GAS7: variants seen among roughly 807,000 people sequenced by gnomAD.
GAS7 encodes the protein growth arrest specific 7, also known as growth arrest-specific protein 7.
In GAS7, 28 loss-of-function variants were observed where a neutral mutation model predicts 71.1. The ratio of observed to expected loss-of-function variants is 0.39; its 90% CI spans 0.29 to 0.54. GAS7 has a LOEUF of 0.54. GAS7 is among the 20% of genes least tolerant of loss of function. The pLI is 0.62. For missense variants in GAS7, 436 were observed against 627.8 expected (o/e 0.69, Z 3.27); for synonymous variants, 258 against 245.8 (o/e 1.05, Z -0.46).
intron 5 of GAS7, among the ~76,000 whole-genome samples, chr17:9,952,358 A>G (rs1233834697): frequency 6.6e-6 from 1 of 152,002 alleles, no homozygotes; most frequent in Non-Finnish European, 1.5e-5. Context: ...TTAAGATCCT[A>G]CATGGCAAGT....
chr17:9,969,413 A>T lies in GAS7; in HGVS notation c.471+264T>A, dbSNP rs188927784. On this transcript the variant is annotated intron_variant, in intron 4 of 13. Coordinates refer to ENST00000432992, the MANE Select transcript of GAS7 (RefSeq NM_201433.2). This position sits in a 1 kb window ranked among gnomAD's most constrained non-coding sequence, Gnocchi z 5.5. ...ATCAGGAATCCAGACCAGAGAATGG[A>T]ACTCTCTGTCCTAATGGTTTCAACC... is the stretch of plus-strand genomic sequence containing the variant. Among the ~76,000 whole-genome samples the T allele has an allele frequency of 6.6e-6, 1 of 152,186 alleles. No individual in the cohort carries two copies. Among genetic ancestry groups the T allele is most frequent in the East Asian group, 1.9e-4 (1 of 5,172 alleles).
At chr17:9,944,055 TAGC>T (rs1402913875) in intron 6 of GAS7, among the ~76,000 whole-genome samples, 1 of 152,366 alleles carries the variant, frequency 6.6e-6, no homozygotes, top group South Asian at 2.1e-4. Flanking sequence ...AATAAGTACT[TAGC>T]AGCCAATTAA....
chr17:9,976,097 G>T (rs557152716), intron 3 of GAS7, among the ~76,000 whole-genome samples: 4 of 152,352 alleles, frequency 2.6e-5, no homozygotes, highest in African/African-American at 7.2e-5. Flanking sequence ...TTCTGTTCCA[G>T]AAATTTCTCT....
chr17:10,168,765 G>A (rs900431995), intron 1 of GAS7, among the ~76,000 whole-genome samples: 1 of 152,124 alleles, frequency 6.6e-6, no homozygotes, highest in Non-Finnish European at 1.5e-5. Flanking sequence ...AAGGTCAGGA[G>A]TTTGAGACCA....
intron 1 of GAS7, among the ~76,000 whole-genome samples, chr17:10,133,122 A>ATATATATATATATATATATAT (rs1392845338): frequency 7.6e-5 from 9 of 118,884 alleles, no homozygotes; most frequent in Non-Finnish European, 9.4e-5. Context: ...ATATTTTTAT[A>ATATATATATATATATATATAT]TTTTTTTTTT....
intron 4 of GAS7, among the ~76,000 whole-genome samples, chr17:9,960,254 A>T (rs918286968): frequency 6.6e-6 from 1 of 150,684 alleles, no homozygotes; most frequent in Admixed American, 6.6e-5. Flanking sequence ...CAGTGGCGTG[A>T]TCATGGCTCA....
In GAS7 at chr17:9,914,498, T is replaced by A. The variant is rs1237428144; in HGVS notation, c.*2730A>T. ...ACCTCGGCCTCCCAAAGAGCTGGGA[T>A]TACAGGCGTGAGCCACCGTGCCCGA... On this transcript the variant is annotated 3_prime_UTR_variant, in exon 14 of 14. Transcript: ENST00000432992. The A allele has an allele frequency of 1.1e-5, 2 of 183,120 alleles. No homozygotes were observed. The highest frequency in any genetic ancestry group is 2.4e-5 in the African/African-American group (1 of 42,536). The allele number at this position is 183,120 out of a possible 1,614,324, so 11.3% of individuals were successfully genotyped here. A position where few individuals can be genotyped will look rare whatever the true frequency, so the allele number is the denominator to read the frequency against.
At chr17:9,950,871 G>A (rs112396639) in intron 5 of GAS7, among the ~76,000 whole-genome samples, 6,014 of 151,578 alleles carry the variant, frequency 0.04, 310 homozygotes, top group African/African-American at 0.1. Flanking sequence ...AAAAAAAGGT[G>A]CACAGCTTCC....
Position 10,072,751 on chromosome 17 carries a change from C to T in GAS7, c.184-52854G>A, listed in dbSNP as rs138766796. 4.2e-3 allele frequency among the ~76,000 whole-genome samples: 633 copies of T among 152,204 alleles called. 2 individuals are homozygous for T. Among genetic ancestry groups the T allele is most frequent in the African/African-American group, 0.014 (580 of 41,538 alleles). ...CCAGACGGCTTGCCAGCACCGTTTC[C>T]GAGACGTGATGGGGAGAGAGGCTCA... is the stretch of plus-strand genomic sequence containing the variant. On this transcript the variant is annotated intron_variant, in intron 1 of 13. Coordinates refer to ENST00000432992, the MANE Select transcript of GAS7 (RefSeq NM_201433.2).
At chr17:10,167,045 T>TTTTC (rs1491483188) in intron 1 of GAS7, among the ~76,000 whole-genome samples, 2 of 30,162 alleles carry the variant, frequency 6.6e-5, no homozygotes, top group African/African-American at 3.5e-4. Flanking sequence ...TCCATTTGTC[T>TTTTC]TTTTTTTTTT....
intron 9 of GAS7, among the ~76,000 whole-genome samples, chr17:9,927,290 TACACACACACACACACAC>T (rs371084335): frequency 1.1e-4 from 13 of 116,940 alleles, no homozygotes; most frequent in African/African-American, 2.3e-4. Context: ...CTCTACTACA[TACACACACACACACACAC>T]ACACACACAC....
chr17:10,087,332 G>A (rs2073530251), intron 1 of GAS7, among the ~76,000 whole-genome samples: 1 of 152,232 alleles, frequency 6.6e-6, no homozygotes, highest in South Asian at 2.1e-4. Context: ...GCACACTCAT[G>A]ATCAACACCA....
At chr17:9,953,614 T>C (rs1212810224) in intron 5 of GAS7, among the ~76,000 whole-genome samples, 1 of 152,214 alleles carries the variant, frequency 6.6e-6, no homozygotes, top group African/African-American at 2.4e-5. Context: ...ACTGCAGAGC[T>C]CCAGCCTCGA....
At chr17:10,158,320 T>C (rs2074220806) in intron 1 of GAS7, among the ~76,000 whole-genome samples, 1 of 141,888 alleles carries the variant, frequency 7.0e-6, no homozygotes, top group Non-Finnish European at 1.5e-5. Context: ...GCCAATCCTG[T>C]TTTTTCTTTT....
At chr17:10,145,772 C>T (rs1234658576) in intron 1 of GAS7, among the ~76,000 whole-genome samples, 1 of 152,154 alleles carries the variant, frequency 6.6e-6, no homozygotes, top group Non-Finnish European at 1.5e-5. Context: ...AAGGGGGAAA[C>T]AGCAATATAT....
At chr17:9,977,397 C>A (rs1226383138) in intron 3 of GAS7, among the ~76,000 whole-genome samples, 1 of 152,202 alleles carries the variant, frequency 6.6e-6, no homozygotes, top group East Asian at 1.9e-4. Context: ...AAACTCCCAG[C>A]ATCTCCCTTT....
intron 1 of GAS7, among the ~76,000 whole-genome samples, chr17:10,146,932 G>C (rs1320036357): frequency 6.7e-6 from 1 of 149,714 alleles, no homozygotes; most frequent in Non-Finnish European, 1.5e-5. Context: ...AGTGAGCTGA[G>C]ATCGCGCCAG....
At chr17:10,193,702 T>C (rs148925512) in intron 1 of GAS7, among the ~76,000 whole-genome samples, 13 of 152,220 alleles carry the variant, frequency 8.5e-5, no homozygotes, top group Admixed American at 5.9e-4. Flanking sequence ...AGGCGCCACA[T>C]GGAAGAACAT....
At chr17:10,189,841 A>T (rs1425614755) in intron 1 of GAS7, among the ~76,000 whole-genome samples, 1 of 152,022 alleles carries the variant, frequency 6.6e-6, no homozygotes, top group Non-Finnish European at 1.5e-5. Flanking sequence ...TGGGAAGCTG[A>T]GGCATGAAAA....
Sources: allele counts gnomAD v4.1 joint callset (sites outside exome capture counted in the v4.1 genomes callset), GRCh38; gene constraint gnomAD v4.1.1; non-coding constraint Gnocchi (gnomAD v3.1); transcripts MANE v1.5; gene names NCBI Gene and HGNC (gene_info 2026-07-23, HGNC 2026-07-21).